The following TNIK variants were observed in gnomAD, a reference collection of about 807,000 sequenced individuals.
TNIK encodes TRAF2 and NCK interacting kinase, also known as TRAF2 and NCK-interacting protein kinase.
A neutral mutation model predicts 191.3 loss-of-function variants in TNIK; 49 were observed. The ratio of observed to expected loss-of-function variants is 0.26; its 90% CI spans 0.20 to 0.32. TNIK has a LOEUF of 0.32. Ranked by LOEUF, TNIK falls within the 10% of genes least tolerant of loss-of-function variation. The probability of loss-of-function intolerance (pLI) is 1.00; values close to 1 mark genes in which losing one functional copy is unlikely to be tolerated. For missense variants in TNIK, 1,155 were observed against 1,702.3 expected (o/e 0.68, Z 5.66); for synonymous variants, 594 against 600.9 (o/e 0.99, Z 0.17).
At chr3:171,232,168 A>C (rs1273569372) in intron 2 of TNIK, among the ~76,000 whole-genome samples, 1 of 152,076 alleles carries the variant, frequency 6.6e-6, no homozygotes, top group African/African-American at 2.4e-5. Flanking sequence ...ACAAATATAG[A>C]CACCATCTAA....
chr3:171,148,830 G>T (rs1199814560), intron 12 of TNIK, among the ~76,000 whole-genome samples: 2 of 152,180 alleles, frequency 1.3e-5, no homozygotes, highest in African/African-American at 4.8e-5. Context: ...TCAACGAAAA[G>T]ATAACTTTTC....
At chr3:171,084,506 C>A (rs941762945) in intron 25 of TNIK, among the ~76,000 whole-genome samples, 181 bp from the exon 26 acceptor site, 2 of 152,060 alleles carry the variant, frequency 1.3e-5, no homozygotes, top group African/African-American at 4.8e-5. Flanking sequence ...CTAAGTCATT[C>A]ATCAAAGGAA....
chr3:171,331,478 C>T lies in TNIK; in HGVS notation c.123+38142G>A, dbSNP rs142282312. Among the ~76,000 whole-genome samples the T allele has an allele frequency of 3.0e-3, 457 of 152,226 alleles. 1 individual carries two copies. The highest frequency in any genetic ancestry group is 0.01 in the African/African-American group (427 of 41,526). ...ACTTGGTAAATTCAATTTCAGATGA[C>T]TGCATCTAAAACTCATATCCATTAT... On this transcript the variant is annotated intron_variant, in intron 2 of 32. Transcript: ENST00000436636.
At chr3:171,293,314 T>G (rs61358743) in intron 2 of TNIK, among the ~76,000 whole-genome samples, 47,648 of 152,138 alleles carry the variant, frequency 0.31, 7,635 homozygotes, top group Non-Finnish European at 0.33. Context: ...ATTCACAATG[T>G]ATCTTCTATT....
chr3:171,424,072 G>T (rs1381240437), intron 1 of TNIK, among the ~76,000 whole-genome samples: 3 of 152,122 alleles, frequency 2.0e-5, no homozygotes, highest in African/African-American at 7.2e-5. Context: ...GAAAATTTTT[G>T]CAATCTACTC....
chr3:171,084,398 T>C lies in TNIK; in HGVS notation c.2999-73A>G. The C allele has an allele frequency of 4.0e-6, 6 of 1,491,292 alleles. No individual in the cohort carries two copies. In the South Asian group the frequency reaches 7.8e-5, roughly 19 times the overall value. The allele number at this position is 1,491,292 out of a possible 1,614,324, so 92.4% of individuals were successfully genotyped here. On this transcript the variant is annotated intron_variant, in intron 25 of 32. Transcript: ENST00000436636. ...TTATGGAGATGGGGCTTCAAAACAC[T>C]ATGATTTCTCCTTGTTTGGTTTGAA...
intron 12 of TNIK, among the ~76,000 whole-genome samples, chr3:171,151,247 G>A (rs776569294): frequency 5.1e-4 from 77 of 152,154 alleles, no homozygotes; most frequent in Non-Finnish European, 8.8e-4. Context: ...CCTAAAGCTG[G>A]CCATCTAAGA....
At chr3:171,095,347 C>A (rs1305050101) in intron 22 of TNIK, among the ~76,000 whole-genome samples, 1 of 152,160 alleles carries the variant, frequency 6.6e-6, no homozygotes, top group African/African-American at 2.4e-5. Flanking sequence ...ATTTGAGAAC[C>A]ACACACCACA....
At chr3:171,344,107 C>A (rs914992326) in intron 2 of TNIK, among the ~76,000 whole-genome samples, 3 of 152,146 alleles carry the variant, frequency 2.0e-5, no homozygotes, top group Non-Finnish European at 4.4e-5. Context: ...AAGCAAAAAA[C>A]CAAATAATTT....
At chr3:171,260,283 A>G (rs1044129615) in intron 2 of TNIK, among the ~76,000 whole-genome samples, 3 of 152,184 alleles carry the variant, frequency 2.0e-5, no homozygotes, top group Admixed American at 6.6e-5. Context: ...TTCAAAATTG[A>G]GGCCATTATT....
At chr3:171,295,153 G>T (rs1752145209) in intron 2 of TNIK, among the ~76,000 whole-genome samples, 1 of 152,152 alleles carries the variant, frequency 6.6e-6, no homozygotes, top group South Asian at 2.1e-4. Flanking sequence ...TGTGAAGCAG[G>T]CCAGGAAATG....
intron 14 of TNIK, among the ~76,000 whole-genome samples, chr3:171,139,205 G>A (rs182659532): frequency 6.6e-6 from 1 of 152,250 alleles, no homozygotes; most frequent in Non-Finnish European, 1.5e-5. Context: ...TTATATTCAA[G>A]TTGTACAAAT....
intron 1 of TNIK, among the ~76,000 whole-genome samples, chr3:171,439,366 A>G (rs1054214022): frequency 6.6e-6 from 1 of 151,846 alleles, no homozygotes; most frequent in African/African-American, 2.4e-5. Flanking sequence ...AGAAAAAGAA[A>G]AAAAATTGGA....
chr3:171,257,271 A>C (rs1746998964), intron 2 of TNIK, among the ~76,000 whole-genome samples: 1 of 152,214 alleles, frequency 6.6e-6, no homozygotes, highest in African/African-American at 2.4e-5. Context: ...ATGTAAAAAG[A>C]GGTTTAAATG....
intron 2 of TNIK, among the ~76,000 whole-genome samples, chr3:171,241,487 GTCTC>G (rs1463535466): frequency 1.3e-5 from 2 of 152,088 alleles, no homozygotes; most frequent in Non-Finnish European, 2.9e-5. Context: ...ATAAGATATT[GTCTC>G]TCTCTTTTAA....
chr3:171,067,614 G>A (rs1718619662), intron 30 of TNIK, among the ~76,000 whole-genome samples: 1 of 150,676 alleles, frequency 6.6e-6, no homozygotes, highest in Admixed American at 6.6e-5. Context: ...GGAGCTTGCA[G>A]TGAGCCGAGA....
At chr3:171,443,829 A>T (rs1326581487) in intron 1 of TNIK, among the ~76,000 whole-genome samples, 2 of 152,210 alleles carry the variant, frequency 1.3e-5, no homozygotes, top group Non-Finnish European at 2.9e-5. Flanking sequence ...GCCTCAAAAA[A>T]TAAAATAAAA....
intron 18 of TNIK, 24 bp from the exon 19 acceptor site, chr3:171,110,901 G>A (rs370243800): frequency 1.9e-6 from 3 of 1,579,116 alleles, no homozygotes; most frequent in African/African-American, 1.3e-5. Context: ...AGAGCACACT[G>A]GTTACACTCT....
In TNIK at chr3:171,166,994, A is replaced by G. The variant is rs1443568561; in HGVS notation, c.949+101T>C. 8 of 1,420,976 alleles carry G rather than the reference A, an allele frequency of 5.6e-6. No individual in the cohort carries two copies. In the African/African-American group the frequency reaches 1.0e-4, roughly 18 times the overall value. The allele number at this position is 1,420,976 out of a possible 1,614,324, so 88.0% of individuals were successfully genotyped here. A position where few individuals can be genotyped will look rare whatever the true frequency, so the allele number is the denominator to read the frequency against. On this transcript the variant is annotated intron_variant, in intron 10 of 32. Transcript: ENST00000436636. The stretch of plus-strand genomic sequence containing the variant: ...AGCCCCTCGCACTAAAGAATAATGC[A>G]GGCCCATTTGAAATCCCCATAGTCA...
Sources: allele counts gnomAD v4.1 joint callset (sites outside exome capture counted in the v4.1 genomes callset), GRCh38; gene constraint gnomAD v4.1.1; transcripts MANE v1.5; gene names NCBI Gene and HGNC (gene_info 2026-07-23, HGNC 2026-07-21).